The following KLF9 variants were observed in gnomAD, a reference collection of about 807,000 sequenced individuals.
KLF9 encodes Krueppel-like factor 9.
Under a neutral mutation model 17.3 loss-of-function variants are expected in KLF9, and 2 were observed. The observed-to-expected ratio is 0.12, with a 90% confidence interval of 0.05 to 0.36. The LOEUF is 0.36. KLF9 is among the 10% of genes least tolerant of loss of function. The probability of loss-of-function intolerance (pLI) is 1.00; values close to 1 mark genes in which losing one functional copy is unlikely to be tolerated. For synonymous variants in KLF9, 138 were observed against 139.2 expected (o/e 0.99, Z 0.06); for missense variants, 226 against 333.2 (o/e 0.68, Z 2.51).
intron 1 of KLF9, among the ~76,000 whole-genome samples, chr9:70,408,853 T>C (rs1389471062): frequency 6.6e-6 from 1 of 150,830 alleles, no homozygotes; most frequent in Non-Finnish European, 1.5e-5. Context: ...ACAGAGGCTA[T>C]CCAGGTCCCT....
Position 70,397,661 on chromosome 9 carries a change from A to C in KLF9, c.506-9656T>G, listed in dbSNP as rs73649114. Among the ~76,000 whole-genome samples, 832 of 152,304 alleles carry C rather than the reference A, an allele frequency of 5.5e-3. 5 individuals are homozygous for C. The highest frequency in any genetic ancestry group is 0.019 in the African/African-American group (784 of 41,568). Reference sequence around the variant, plus strand: ...AACAGTAACAGTAGGGTTGCCCAACAAAGGAGTGTCCTTGTTAGAAAGCAG... The same window carrying C: ...AACAGTAACAGTAGGGTTGCCCAACCAAGGAGTGTCCTTGTTAGAAAGCAG... On this transcript the variant is annotated intron_variant, in intron 1 of 1. Transcript: ENST00000377126.
intron 1 of KLF9, among the ~76,000 whole-genome samples, chr9:70,407,010 A>G (rs969091659): frequency 2.0e-5 from 3 of 152,080 alleles, no homozygotes; most frequent in Admixed American, 2.0e-4. Context: ...TCAGAAATCA[A>G]ACTGATGGGA....
Position 70,413,328 on chromosome 9 carries a change from G to C in KLF9, c.36C>G (p.Ala12=). ...GGTTCGAAATGGAAACCAGACACTGGGCAGCCACGAAGTCCATGTAGGCGG... is the reference window on the plus strand; with the variant it reads ...GGTTCGAAATGGAAACCAGACACTGCGCAGCCACGAAGTCCATGTAGGCGG... ...SAAAYMDFVA[A]QCLVSISNRA... Residue 12 remains alanine, a synonymous_variant, in exon 1 of 2, where the codon GCC becomes GCG. Coordinates refer to ENST00000377126, the MANE Select transcript of KLF9 (RefSeq NM_001206.4). The surrounding 1 kb of genome is among the most constrained non-coding windows in gnomAD (Gnocchi z 5.6). 1.9e-6 allele frequency: 3 copies of C among 1,591,470 alleles called. No homozygotes were observed. The highest frequency in any genetic ancestry group is 2.2e-5 in the South Asian group (2 of 89,176).
At position 70,413,597 on chromosome 9, in the gene KLF9, T is replaced by C. The variant is rs2118935159; in HGVS notation, c.-234A>G. ...GCACGCAGCATCCACGGCCCCGGGC[T>C]CCGCCGCGCCGCCGCCTCTAGCCGC... On this transcript the variant is annotated 5_prime_UTR_variant, in exon 1 of 2. Transcript: ENST00000377126. The surrounding 1 kb of genome is among the most constrained non-coding windows in gnomAD (Gnocchi z 5.6). 9 of 182,832 alleles carry C rather than the reference T, an allele frequency of 4.9e-5. No individual in the cohort carries two copies. Among genetic ancestry groups the C allele is most frequent in the East Asian group, 1.6e-4 (1 of 6,412 alleles). The allele number at this position is 182,832 out of a possible 1,614,324, so 11.3% of individuals were successfully genotyped here.
intron 1 of KLF9, among the ~76,000 whole-genome samples, chr9:70,402,750 C>G (rs1012172991): frequency 6.6e-6 from 1 of 152,110 alleles, no homozygotes; most frequent in African/African-American, 2.4e-5. Flanking sequence ...TAGTTCGGAG[C>G]TCCTTCCCAC....
intron 1 of KLF9, among the ~76,000 whole-genome samples, chr9:70,392,116 C>T (rs931185998): frequency 2.6e-5 from 4 of 152,308 alleles, no homozygotes; most frequent in South Asian, 2.1e-4. Context: ...ACCCGAGGGG[C>T]GGAGGTTGTG....
At position 70,387,678 on chromosome 9, in the gene KLF9, G is replaced by T. The variant is rs1284769249; in HGVS notation, c.*98C>A. 3.4e-5 allele frequency: 33 copies of T among 970,976 alleles called. No individual in the cohort carries two copies. Among genetic ancestry groups the T allele is most frequent in the Non-Finnish European group, 4.7e-5 (29 of 615,222 alleles). The allele number at this position is 970,976 out of a possible 1,614,324, so 60.1% of individuals were successfully genotyped here. ...GAGCAGTGACTTCCTGTGCCGTCAAGTGTGCCTCTTCTGGGGCTCAGTTTT... is the reference window on the plus strand; with the variant it reads ...GAGCAGTGACTTCCTGTGCCGTCAATTGTGCCTCTTCTGGGGCTCAGTTTT... On this transcript the variant is annotated 3_prime_UTR_variant, in exon 2 of 2. Transcript: ENST00000377126.
chr9:70,400,991 C>T (rs572378047), intron 1 of KLF9, among the ~76,000 whole-genome samples: 120 of 151,992 alleles, frequency 7.9e-4, no homozygotes, highest in African/African-American at 2.8e-3. Context: ...GCATGTATTT[C>T]TAGAGGGTGT....
intron 1 of KLF9, among the ~76,000 whole-genome samples, chr9:70,390,769 T>TCCTCTTTAACCCCAGTGAAGC (rs749947425): frequency 3.0e-4 from 46 of 152,284 alleles, no homozygotes; most frequent in Admixed American, 2.4e-3. Context: ...TGCAGTGAAG[T>TCCTCTTTAACCCCAGTGAAGC]CCTCTTTAAC....
In KLF9 at chr9:70,384,863, A is replaced by G. The variant is rs79406446; in HGVS notation, c.*2913T>C. 6.5e-6 allele frequency: 1 copy of G among 152,770 alleles called. No individual in the cohort carries two copies. The highest frequency in any genetic ancestry group is 1.9e-4 in the East Asian group (1 of 5,182). The allele number at this position is 152,770 out of a possible 1,614,324, so 9.5% of individuals were successfully genotyped here. A position where few individuals can be genotyped will look rare whatever the true frequency, so the allele number is the denominator to read the frequency against. ...CTGTGCTAAATCTATCTGCAAACTG[A>G]CAAACTAATCAGTTTCTGTAATTGT... On this transcript the variant is annotated 3_prime_UTR_variant, in exon 2 of 2. Transcript: ENST00000377126.
chr9:70,408,970 A>G (rs2037275785), intron 1 of KLF9, among the ~76,000 whole-genome samples: 2 of 142,072 alleles, frequency 1.4e-5, no homozygotes, highest in African/African-American at 2.6e-5. Context: ...TTTTTATGTG[A>G]GCCTCCTTTT....
chr9:70,409,064 ATATATGTG>A lies in KLF9; in HGVS notation c.505+3787_505+3794del, dbSNP rs1200849104. On this transcript the variant is annotated intron_variant, in intron 1 of 1. Coordinates refer to ENST00000377126, the MANE Select transcript of KLF9 (RefSeq NM_001206.4). ...TATATATATATACATATATGTGTAT[ATATATGTG>A]TATATATATACACATATATGTATAT... is the stretch of plus-strand genomic sequence containing the variant. 1.8e-5 allele frequency among the ~76,000 whole-genome samples: 2 copies of A among 108,504 alleles called. 1 individual carries two copies. The highest frequency in any genetic ancestry group is 4.0e-5 in the Non-Finnish European group (2 of 50,124). The allele number at this position is 108,504 out of a possible 152,430, so 71.2% of individuals were successfully genotyped here.
chr9:70,399,519 T>C (rs1188337935), intron 1 of KLF9, among the ~76,000 whole-genome samples: 2 of 152,280 alleles, frequency 1.3e-5, no homozygotes, highest in Non-Finnish European at 2.9e-5. Context: ...ATGGCAAAGC[T>C]ATCCCAAGAA....
intron 1 of KLF9, among the ~76,000 whole-genome samples, chr9:70,396,682 A>C (rs545473191): frequency 6.6e-6 from 1 of 152,306 alleles, no homozygotes; most frequent in East Asian, 1.9e-4. Context: ...AATTTGAACA[A>C]TTACTATCTA....
At chr9:70,397,648 AG>A (rs2037191137) in intron 1 of KLF9, among the ~76,000 whole-genome samples, 1 of 152,202 alleles carries the variant, frequency 6.6e-6, no homozygotes, top group African/African-American at 2.4e-5. Context: ...CAGTAACAGT[AG>A]GGTTGCCCAA....
rs1373958235 is a variant in KLF9 at position 70,385,500 on chromosome 9, C to T, written c.*2276G>A. On this transcript the variant is annotated 3_prime_UTR_variant, in exon 2 of 2. Transcript: ENST00000377126. The stretch of plus-strand genomic sequence containing the variant: ...CCATCTAAGTGCTTGACAAAAGCCA[C>T]ATTTAGATTTACTCCTGAAACTATA... 1 of 152,624 alleles carries T rather than the reference C, an allele frequency of 6.6e-6. No homozygotes were observed. Among genetic ancestry groups the T allele is most frequent in the East Asian group, 1.9e-4 (1 of 5,196 alleles). The allele number at this position is 152,624 out of a possible 1,614,324, so 9.5% of individuals were successfully genotyped here.
chr9:70,392,758 G>T (rs1039474688), intron 1 of KLF9, among the ~76,000 whole-genome samples: 1 of 152,068 alleles, frequency 6.6e-6, no homozygotes, highest in Non-Finnish European at 1.5e-5. Context: ...TTTGAGGCTC[G>T]GTGCTAAGGT....
rs10644898 is a variant in KLF9, at chr9:70,412,186, CAAAAAAAAA to C, written c.505+664_505+672del. Among the ~76,000 whole-genome samples the C allele has an allele frequency of 8.4e-3, 398 of 47,116 alleles. 5 individuals carry two copies. Among genetic ancestry groups the C allele is most frequent in the East Asian group, 0.062 (61 of 986 alleles). 30.9% of individuals were successfully genotyped at this position (47,116 alleles called of 152,430 possible). On this transcript the variant is annotated intron_variant, in intron 1 of 1. Coordinates refer to ENST00000377126, the MANE Select transcript of KLF9 (RefSeq NM_001206.4). ...GAGGGTGCGACCTAAGTCACATGGC[CAAAAAAAAA>C]AAAAAAAAAAAAAAAAAAAGTCAGC...
chr9:70,387,978 G>A lies in KLF9; in HGVS notation c.533C>T (p.Pro178Leu). The change falls in exon 2 of 2, where the codon CCA becomes CTA. Residue 178 changes from proline (P) to leucine (L), a missense_variant. Physicochemically the swap from Pro to Leu is moderately conservative, Grantham distance 98. Coordinates refer to ENST00000377126, the MANE Select transcript of KLF9 (RefSeq NM_001206.4). ...TGERPFPCTWPDCLKKFSRSD... is the reference protein window; with the variant it reads ...TGERPFPCTWLDCLKKFSRSD... ...GCGGGAGAACTTTTTAAGGCAGTCT[G>A]GCCACGTGCAGGGAAAGGGCCGTTC... 1 of 1,613,804 alleles carries A rather than the reference G, an allele frequency of 6.2e-7. No homozygotes were observed. Among genetic ancestry groups the A allele is most frequent in the Non-Finnish European group, 8.5e-7 (1 of 1,179,940 alleles).
Sources: gnomAD v4.1 joint callset for allele counts (sites outside exome capture counted in the v4.1 genomes callset) on GRCh38, gnomAD v4.1.1 for gene constraint, Gnocchi (gnomAD v3.1) non-coding constraint, MANE v1.5 for transcripts, NCBI Gene and HGNC (gene_info 2026-07-23, HGNC 2026-07-21) for gene names.